The following SMARCA2 variants were observed in gnomAD, a reference collection of about 807,000 sequenced individuals.
The protein encoded by SMARCA2 is SWI/SNF-related matrix-associated actin-dependent regulator of chromatin subfamily A member 2.
SMARCA2 carries 61 observed loss-of-function variants against 199.8 expected under a neutral mutation model. The ratio of observed to expected loss-of-function variants is 0.31; its 90% CI spans 0.25 to 0.38. The LOEUF is 0.38. Among genes scored for constraint, SMARCA2 ranks in the 10% least tolerant of loss-of-function variants. The pLI is 1.00. For missense variants in SMARCA2, 1,344 were observed against 2,012.2 expected (o/e 0.67, Z 6.35); for synonymous variants, 935 against 732.0 (o/e 1.28, Z -4.48).
chr9:2,100,071 C>G (rs1203083346), intron 21 of SMARCA2, among the ~76,000 whole-genome samples: 1 of 152,046 alleles, frequency 6.6e-6, no homozygotes, highest in Non-Finnish European at 1.5e-5. Flanking sequence ...AGATCTGGTC[C>G]CCTTGGAGGA....
At chr9:2,072,463 T>C (rs956725521) in intron 10 of SMARCA2, among the ~76,000 whole-genome samples, 4 of 152,368 alleles carry the variant, frequency 2.6e-5, no homozygotes, top group South Asian at 2.1e-4. Context: ...GCAGAGCTTT[T>C]TTCTTTGTCA....
At position 2,047,459 on chromosome 9, in the gene SMARCA2, G is replaced by A; in HGVS notation, c.1021G>A (p.Glu341Lys). The change falls in exon 5 of 34, where the codon GAA becomes AAA. Residue 341 changes from glutamate (E) to lysine (K), a missense_variant. This residue lies in a region of SMARCA2 where 155 missense variants were observed against 260.0 expected (regional missense o/e 0.60). Transcript: ENST00000349721. Reference sequence around the variant, plus strand: ...GAAACCGCAAGGCCTGGACCCCGTGGAAATTCTGCAAGAGCGGGAATACAG... The same window carrying A: ...GAAACCGCAAGGCCTGGACCCCGTGAAAATTCTGCAAGAGCGGGAATACAG... The part of the protein sequence containing the change: ...IQKPQGLDPV[E>K]ILQEREYRLQ... 6.5e-7 allele frequency: 1 copy of A among 1,542,544 alleles called. No individual in the cohort carries two copies. The highest frequency in any genetic ancestry group is 8.7e-7 in the Non-Finnish European group (1 of 1,147,900).
chr9:2,176,838 G>T (rs1366003030), intron 29 of SMARCA2, among the ~76,000 whole-genome samples: 1 of 152,072 alleles, frequency 6.6e-6, no homozygotes, highest in Non-Finnish European at 1.5e-5. Context: ...GATTGCAGGT[G>T]TGAGCCACTG....
chr9:2,166,396 A>G (rs1825931176), intron 28 of SMARCA2, among the ~76,000 whole-genome samples: 1 of 152,270 alleles, frequency 6.6e-6, no homozygotes, highest in Non-Finnish European at 1.5e-5. Context: ...CTCATTGAAT[A>G]TGTGACTTCT....
chr9:2,180,043 A>G (rs1389337757), intron 29 of SMARCA2, among the ~76,000 whole-genome samples: 1 of 152,176 alleles, frequency 6.6e-6, no homozygotes, highest in Non-Finnish European at 1.5e-5. Context: ...GTCATATACT[A>G]TGTGGCATAA....
intron 22 of SMARCA2, among the ~76,000 whole-genome samples, chr9:2,102,904 C>T (rs1822588359): frequency 6.6e-6 from 1 of 151,972 alleles, no homozygotes; most frequent in Admixed American, 6.6e-5. Context: ...CATCCTCCAC[C>T]TCTCTGTCTT....
intron 27 of SMARCA2, among the ~76,000 whole-genome samples, chr9:2,129,557 A>G (rs947745242): frequency 6.6e-6 from 1 of 152,160 alleles, no homozygotes; most frequent in African/African-American, 2.4e-5. Context: ...AGGGAGTGCT[A>G]CTGGGCCTTG....
chr9:2,034,494 G>C (rs1292244470), intron 3 of SMARCA2, among the ~76,000 whole-genome samples: 3 of 152,138 alleles, frequency 2.0e-5, no homozygotes, highest in African/African-American at 7.2e-5. Context: ...TCATTATGTG[G>C]TCATTTCAAC....
chr9:2,192,421 A>G (rs945382489), intron 33 of SMARCA2: 4 of 371,400 alleles, frequency 1.1e-5, no homozygotes, highest in African/African-American at 6.4e-5. Flanking sequence ...TGGGGCTGAA[A>G]AAGAGAAAAT....
At chr9:2,059,847 C>T (rs1365383059) in intron 8 of SMARCA2, among the ~76,000 whole-genome samples, 1 of 152,010 alleles carries the variant, frequency 6.6e-6, no homozygotes. Flanking sequence ...GGAGTTGCCT[C>T]TTAAAGATTT....
chr9:2,103,333 A>G (rs560476393), intron 22 of SMARCA2, among the ~76,000 whole-genome samples: 1 of 152,324 alleles, frequency 6.6e-6, no homozygotes, highest in African/African-American at 2.4e-5. Flanking sequence ...ATTTGTAAAA[A>G]CAGACAGCAG....
chr9:2,093,288 A>G (rs1822139733), intron 19 of SMARCA2, among the ~76,000 whole-genome samples: 2 of 152,234 alleles, frequency 1.3e-5, no homozygotes, highest in African/African-American at 4.8e-5. Context: ...TTAGTAATCC[A>G]TTGGGTGGAG....
At chr9:2,173,687 A>C (rs192591531) in intron 29 of SMARCA2, among the ~76,000 whole-genome samples, 56 of 151,886 alleles carry the variant, frequency 3.7e-4, no homozygotes, top group Non-Finnish European at 7.1e-4. Context: ...AGTTCTTCCA[A>C]CTCTAGCCTT....
At position 2,058,436 on chromosome 9, in the gene SMARCA2, T is replaced by C; in HGVS notation, c.1493T>C (p.Ile498Thr). 4 of 1,613,862 alleles carry C rather than the reference T, an allele frequency of 2.5e-6. No individual in the cohort carries two copies. The highest frequency in any genetic ancestry group is 3.4e-6 in the Non-Finnish European group (4 of 1,179,964). ...GAGCAGAAGAAGGAGACAGAGCGGATTGAAAAGGAGAGAATGCGGCGACTG... is the reference window on the plus strand; with the variant it reads ...GAGCAGAAGAAGGAGACAGAGCGGACTGAAAAGGAGAGAATGCGGCGACTG... ...EREQKKETER[I>T]EKERMRRLMA... is the part of the protein sequence containing the mutation. Residue 498 changes from isoleucine (I) to threonine (T), a missense_variant, in exon 8 of 34, where the codon ATT becomes ACT. Physicochemically the swap from Ile to Thr is moderately conservative, Grantham distance 89. Around this residue, in one of 18 missense-constraint regions of SMARCA2, gnomAD observed 155 missense variants for 260.0 expected, o/e 0.60. Coordinates refer to ENST00000349721, the MANE Select transcript of SMARCA2 (RefSeq NM_003070.5).
At chr9:2,041,775 T>G (rs1819616163) in intron 4 of SMARCA2, 1 of 179,564 alleles carries the variant, frequency 5.6e-6, no homozygotes. Flanking sequence ...GTTTGAATCC[T>G]AAAAGTATTT....
chr9:2,082,816 C>T (rs1279309193), intron 15 of SMARCA2, among the ~76,000 whole-genome samples: 1 of 152,126 alleles, frequency 6.6e-6, no homozygotes, highest in Admixed American at 6.6e-5. Context: ...TATGAATTAT[C>T]TGTATCTGTA....
intron 9 of SMARCA2, among the ~76,000 whole-genome samples, chr9:2,067,548 A>T (rs1231715638): frequency 6.6e-6 from 1 of 152,228 alleles, no homozygotes; most frequent in Non-Finnish European, 1.5e-5. Flanking sequence ...TGGATTGTAC[A>T]TGTCGAAATA....
At chr9:2,066,307 C>G (rs906701598) in intron 9 of SMARCA2, among the ~76,000 whole-genome samples, 1 of 152,154 alleles carries the variant, frequency 6.6e-6, no homozygotes, top group African/African-American at 2.4e-5. Context: ...AATAAAATGG[C>G]CTACTGAAGT....
rs72687581 is a variant in SMARCA2, at chr9:2,037,577, A to G, written c.356-1889A>G. On this transcript the variant is annotated intron_variant, in intron 3 of 33. Transcript: ENST00000349721. ...TTTATTTTCTGTGGTCTTGTGAATTATGATGGTGAATCCCCAGTTGGTGGC... is the reference window on the plus strand; with the variant it reads ...TTTATTTTCTGTGGTCTTGTGAATTGTGATGGTGAATCCCCAGTTGGTGGC... Among the ~76,000 whole-genome samples, 1,399 of 152,298 alleles carry G rather than the reference A, an allele frequency of 9.2e-3. 14 individuals are homozygous for G. The highest frequency in any genetic ancestry group is 0.016 in the Non-Finnish European group (1,073 of 68,012).
Sources: gnomAD v4.1 joint callset for allele counts (sites outside exome capture counted in the v4.1 genomes callset) on GRCh38, gnomAD v4.1.1 for gene constraint, gnomAD v4.1.1 regional missense constraint, MANE v1.5 for transcripts, NCBI Gene and HGNC (gene_info 2026-07-23, HGNC 2026-07-21) for gene names.